L2HGDH: variants seen among roughly 807,000 people sequenced by gnomAD.
L2HGDH encodes the protein L-2-hydroxyglutarate dehydrogenase.
Under a neutral mutation model 51.5 loss-of-function variants are expected in L2HGDH, and 34 were observed. That is an observed-to-expected ratio of 0.66 (90% CI 0.50 to 0.88). The LOEUF (loss-of-function observed/expected upper bound fraction) is 0.88, where lower values mean the gene tolerates loss of function less well. Among genes scored for constraint, L2HGDH ranks in the 40% least tolerant of loss-of-function variants. The probability of loss-of-function intolerance (pLI) is 0.00; values close to 1 mark genes in which losing one functional copy is unlikely to be tolerated. For missense variants in L2HGDH, 558 were observed against 571.9 expected (o/e 0.98, Z 0.25); for synonymous variants, 198 against 197.9 (o/e 1.00, Z -0.01).
intron 6 of L2HGDH, among the ~76,000 whole-genome samples, chr14:50,270,017 C>G (rs1256912318): frequency 6.6e-6 from 1 of 152,142 alleles, no homozygotes; most frequent in Non-Finnish European, 1.5e-5. Flanking sequence ...CCGTGTTACT[C>G]TTCGGTTGCT....
chr14:50,293,994 A>C (rs1372977799), intron 4 of L2HGDH, 121 bp downstream of exon 4: 3 of 1,184,028 alleles, frequency 2.5e-6, no homozygotes, highest in Non-Finnish European at 3.7e-6. Context: ...TCACTTCACT[A>C]CTTCTGTGAC....
chr14:50,246,934 T>C lies in L2HGDH; in HGVS notation c.*124A>G. 1.5e-6 allele frequency: 2 copies of C among 1,377,700 alleles called. No individual in the cohort carries two copies. The highest frequency in any genetic ancestry group is 2.0e-6 in the Non-Finnish European group (2 of 1,025,534). 85.3% of individuals were successfully genotyped at this position (1,377,700 alleles called of 1,614,324 possible). The stretch of plus-strand genomic sequence containing the variant: ...TTTCTATGTTACATCATTTTAACAA[T>C]GCAGTGGTTATCTTTGACCTAAAAA... On this transcript the variant is annotated 3_prime_UTR_variant, in exon 10 of 10. Coordinates refer to ENST00000267436, the MANE Select transcript of L2HGDH (RefSeq NM_024884.3).
intron 4 of L2HGDH, among the ~76,000 whole-genome samples, chr14:50,292,934 G>A (rs971720536): frequency 6.6e-6 from 1 of 151,912 alleles, no homozygotes; most frequent in African/African-American, 2.4e-5. Flanking sequence ...GCTCATGCTT[G>A]TATTCCTTGC....
At chr14:50,295,220 T>A (rs1256469658) in intron 3 of L2HGDH, among the ~76,000 whole-genome samples, 1 of 152,146 alleles carries the variant, frequency 6.6e-6, no homozygotes, top group Admixed American at 6.6e-5. Context: ...AATTGTTTTT[T>A]AAAATGTGGC....
At chr14:50,259,987 G>GAC (rs757017873) in intron 9 of L2HGDH, among the ~76,000 whole-genome samples, 12 of 70,146 alleles carry the variant, frequency 1.7e-4, no homozygotes, top group African/African-American at 2.9e-4. Context: ...GAAGAAGACA[G>GAC]AGAGAGAGAG....
intron 5 of L2HGDH, among the ~76,000 whole-genome samples, chr14:50,278,967 G>A (rs577750871): frequency 2.0e-5 from 3 of 152,300 alleles, no homozygotes; most frequent in Admixed American, 1.3e-4. Flanking sequence ...GTTCTATGTT[G>A]TTTAGAAAAG....
chr14:50,307,809 C>T (rs986557933), intron 1 of L2HGDH, among the ~76,000 whole-genome samples: 1 of 151,956 alleles, frequency 6.6e-6, no homozygotes, highest in Non-Finnish European at 1.5e-5. Flanking sequence ...CACACACTAC[C>T]ATTATAGTTA....
chr14:50,280,712 C>G (rs958467220), intron 5 of L2HGDH, among the ~76,000 whole-genome samples: 4 of 152,120 alleles, frequency 2.6e-5, no homozygotes, highest in African/African-American at 9.7e-5. Flanking sequence ...TGGGGTCTCG[C>G]GATGTTGCCC....
At chr14:50,276,041 C>T (rs1361796429) in intron 6 of L2HGDH, among the ~76,000 whole-genome samples, 1 of 152,166 alleles carries the variant, frequency 6.6e-6, no homozygotes, top group Non-Finnish European at 1.5e-5. Context: ...ATAACTAATC[C>T]TGACTCTCAA....
intron 4 of L2HGDH, 147 bp from the exon 5 acceptor site, chr14:50,284,180 A>T (rs1047283588): frequency 2.8e-6 from 2 of 705,644 alleles, no homozygotes; most frequent in African/African-American, 3.6e-5. Flanking sequence ...TTTCTTTTCC[A>T]TTTATTATCC....
intron 9 of L2HGDH, among the ~76,000 whole-genome samples, chr14:50,249,695 G>A (rs1329135367): frequency 2.0e-5 from 3 of 152,022 alleles, no homozygotes; most frequent in African/African-American, 4.8e-5. Flanking sequence ...ACTCTGAGAT[G>A]TGCTGGCTTC....
At chr14:50,283,540 A>C (rs1169852198) in intron 5 of L2HGDH, among the ~76,000 whole-genome samples, 1 of 152,162 alleles carries the variant, frequency 6.6e-6, no homozygotes, top group East Asian at 1.9e-4. Context: ...TTAGTATCCA[A>C]GGAGGATTGG....
At chr14:50,296,643 C>T (rs1309912714) in intron 3 of L2HGDH, among the ~76,000 whole-genome samples, 2 of 143,312 alleles carry the variant, frequency 1.4e-5, no homozygotes, top group African/African-American at 5.1e-5. Flanking sequence ...ATGAATGCTA[C>T]CAGATGTTAA....
At position 50,243,001 on chromosome 14, in the gene L2HGDH, T is replaced by C. The variant is rs1887860204; in HGVS notation, c.*4057A>G. ...CTACAAACTCCCGTAGGCCAGGGCC[T>C]GGCAGTATACCCCATTCTCACCACC... is the stretch of plus-strand genomic sequence containing the variant. On this transcript the variant is annotated 3_prime_UTR_variant, in exon 10 of 10. Coordinates refer to ENST00000267436, the MANE Select transcript of L2HGDH (RefSeq NM_024884.3). 1 of 985,382 alleles carries C rather than the reference T, an allele frequency of 1.0e-6. No homozygotes were observed. The highest frequency in any genetic ancestry group is 1.2e-6 in the Non-Finnish European group (1 of 829,996). The allele number at this position is 985,382 out of a possible 1,614,324, so 61.0% of individuals were successfully genotyped here.
At chr14:50,299,007 A>G (rs1490583091) in intron 3 of L2HGDH, among the ~76,000 whole-genome samples, 1 of 152,128 alleles carries the variant, frequency 6.6e-6, no homozygotes, top group Non-Finnish European at 1.5e-5. Flanking sequence ...AATGAAATTG[A>G]AACAAAGAAA....
At chr14:50,254,848 G>A (rs928668732) in intron 9 of L2HGDH, among the ~76,000 whole-genome samples, 2 of 151,870 alleles carry the variant, frequency 1.3e-5, no homozygotes, top group Non-Finnish European at 2.9e-5. Context: ...AGACCAGCCT[G>A]GGCAACATGG....
intron 1 of L2HGDH, among the ~76,000 whole-genome samples, chr14:50,311,744 C>T (rs1363530065): frequency 6.6e-6 from 1 of 152,204 alleles, no homozygotes; most frequent in Non-Finnish European, 1.5e-5. Context: ...AAGTAACTAG[C>T]CCAGAGTTCA....
chr14:50,247,614 C>A (rs737079), intron 9 of L2HGDH, among the ~76,000 whole-genome samples: 48,561 of 151,964 alleles, frequency 0.32, 8,066 homozygotes, highest in Admixed American at 0.43. Context: ...TTATAAAAAT[C>A]AATCAATGGC....
chr14:50,284,185 T>A (rs1890435521), intron 4 of L2HGDH, 152 bp from the exon 5 acceptor site: 7 of 690,318 alleles, frequency 1.0e-5, no homozygotes, highest in Non-Finnish European at 1.7e-5. Flanking sequence ...TTTCCATTTA[T>A]TATCCCTCAC....
Sources: allele counts gnomAD v4.1 joint callset (sites outside exome capture counted in the v4.1 genomes callset), GRCh38; gene constraint gnomAD v4.1.1; transcripts MANE v1.5; gene names NCBI Gene and HGNC (gene_info 2026-07-23, HGNC 2026-07-21).